The following HEMK2 variants were observed in gnomAD, a reference collection of about 807,000 sequenced individuals.
HEMK2 encodes HemK methyltransferase 2, ETF1 glutamine and histone H4 lysine, also known as methyltransferase HEMK2.
At chr21:28,650,766 C>T in the HEMK2 span, among the ~76,000 whole-genome samples, 754 of 152,044 alleles carry the variant, frequency 5.0e-3, 6 homozygotes, top group African/African-American at 0.017. Flanking sequence ...TGGAAGTCCT[C>T]GGCATATAAA....
the HEMK2 span, among the ~76,000 whole-genome samples, chr21:28,665,334 CTTTTTT>C: frequency 0.22 from 8,151 of 36,860 alleles, 575 homozygotes; most frequent in East Asian, 0.36. Flanking sequence ...ATTTATATTT[CTTTTTT>C]TTTTTTTTTT....
chr21:28,734,722 T>C, the HEMK2 span, among the ~76,000 whole-genome samples: 1 of 152,214 alleles, frequency 6.6e-6, no homozygotes, highest in Non-Finnish European at 1.5e-5. Flanking sequence ...AAAAGCTTTC[T>C]ATCTGAAGAA....
the HEMK2 span, among the ~76,000 whole-genome samples, chr21:28,798,676 A>C: frequency 6.6e-6 from 1 of 152,148 alleles, no homozygotes; most frequent in Non-Finnish European, 1.5e-5. Flanking sequence ...CAGAGCTGTC[A>C]ATTAATAGAG....
At chr21:28,581,031 A>AT in the HEMK2 span, among the ~76,000 whole-genome samples, 4 of 151,922 alleles carry the variant, frequency 2.6e-5, no homozygotes, top group African/African-American at 7.2e-5. Context: ...CACGAATCTT[A>AT]TTTTTTTTAA....
chr21:28,663,016 T>G, the HEMK2 span, among the ~76,000 whole-genome samples: 1 of 152,168 alleles, frequency 6.6e-6, no homozygotes, highest in Non-Finnish European at 1.5e-5. Flanking sequence ...ACTGATCCAG[T>G]TTCTTAGATC....
chr21:28,853,251 T>G, the HEMK2 span, among the ~76,000 whole-genome samples: 1 of 152,210 alleles, frequency 6.6e-6, no homozygotes, highest in South Asian at 2.1e-4. Context: ...ATCAGGCATT[T>G]CCAGCTCGCT....
chr21:28,764,521 T>C, the HEMK2 span, among the ~76,000 whole-genome samples: 18 of 152,258 alleles, frequency 1.2e-4, no homozygotes, highest in East Asian at 3.9e-4. Flanking sequence ...AGCACACTTA[T>C]GTCTTATCAG....
the HEMK2 span, among the ~76,000 whole-genome samples, chr21:28,744,637 T>C: frequency 6.6e-6 from 1 of 152,254 alleles, no homozygotes; most frequent in African/African-American, 2.4e-5. Flanking sequence ...CAAGAGCCTC[T>C]ATTTATTATG....
the HEMK2 span, among the ~76,000 whole-genome samples, chr21:28,595,450 T>A: frequency 6.6e-6 from 1 of 152,232 alleles, no homozygotes; most frequent in African/African-American, 2.4e-5. Flanking sequence ...TTTCTGTGCC[T>A]GGCTTATTTA....
chr21:28,800,135 G>A, the HEMK2 span, among the ~76,000 whole-genome samples: 312 of 152,292 alleles, frequency 2.0e-3, 3 homozygotes, highest in Admixed American at 0.012. Flanking sequence ...ACCTACGTTG[G>A]TTGGGAAATC....
chr21:28,763,290 A>C, the HEMK2 span, among the ~76,000 whole-genome samples: 1 of 152,172 alleles, frequency 6.6e-6, no homozygotes, highest in African/African-American at 2.4e-5. Context: ...CAAGCATGGC[A>C]CTGGCATCTT....
chr21:28,730,728 A>G, the HEMK2 span, among the ~76,000 whole-genome samples: 1 of 152,252 alleles, frequency 6.6e-6, no homozygotes, highest in African/African-American at 2.4e-5. Flanking sequence ...GCTCCAAGAC[A>G]GCAAGAAAGA....
At chr21:28,609,262 C>G in the HEMK2 span, among the ~76,000 whole-genome samples, 1 of 152,150 alleles carries the variant, frequency 6.6e-6, no homozygotes, top group African/African-American at 2.4e-5. Context: ...GCTTGGAGCA[C>G]AGTAGCTCTT....
chr21:28,791,436 T>C, the HEMK2 span, among the ~76,000 whole-genome samples: 687 of 151,910 alleles, frequency 4.5e-3, 6 homozygotes, highest in African/African-American at 0.016. Flanking sequence ...AACTGGGAGG[T>C]GAATAAAGTG....
At chr21:28,826,441 C>T in the HEMK2 span, among the ~76,000 whole-genome samples, 202 of 152,304 alleles carry the variant, frequency 1.3e-3, 1 homozygote, top group African/African-American at 4.7e-3. Context: ...ATATGGATTT[C>T]ACCTAAGATC....
At chr21:28,635,021 A>G in the HEMK2 span, among the ~76,000 whole-genome samples, 1 of 152,224 alleles carries the variant, frequency 6.6e-6, no homozygotes, top group South Asian at 2.1e-4. Flanking sequence ...TCACGCAGGT[A>G]AATGCTATAG....
the HEMK2 span, among the ~76,000 whole-genome samples, chr21:28,866,379 G>A: frequency 1.3e-5 from 2 of 151,464 alleles, no homozygotes; most frequent in African/African-American, 2.4e-5. Flanking sequence ...AACCCAGGAG[G>A]CAGAGGCTGC....
chr21:28,698,519 C>T, the HEMK2 span, among the ~76,000 whole-genome samples: 1 of 151,716 alleles, frequency 6.6e-6, no homozygotes, highest in African/African-American at 2.4e-5. Flanking sequence ...CGGAGAGATT[C>T]TTTTTTAAAG....
chr21:28,593,655 A>AAAG, the HEMK2 span, among the ~76,000 whole-genome samples: 1 of 152,218 alleles, frequency 6.6e-6, no homozygotes, highest in Non-Finnish European at 1.5e-5. Flanking sequence ...AATGTATGTC[A>AAAG]AAGAAACACA....
Sources: gnomAD v4.1 joint callset for allele counts (sites outside exome capture counted in the v4.1 genomes callset) on GRCh38, gnomAD v4.1.1 for gene constraint, MANE v1.5 for transcripts, NCBI Gene and HGNC (gene_info 2026-07-23, HGNC 2026-07-21) for gene names.